Variants in C8orf34 observed in about 807,000 individuals in gnomAD.
C8orf34 encodes uncharacterized protein C8orf34.
In C8orf34, 65 loss-of-function variants were observed where a neutral mutation model predicts 68.3. The observed-to-expected ratio is 0.95, with a 90% confidence interval of 0.78 to 1.17. The LOEUF is 1.17. C8orf34 is among the 50% of genes most tolerant of loss of function. The pLI is 0.00. For synonymous variants in C8orf34, 244 were observed against 241.2 expected (o/e 1.01, Z -0.11); for missense variants, 664 against 655.4 (o/e 1.01, Z -0.14).
intron 10 of C8orf34, among the ~76,000 whole-genome samples, chr8:68,775,574 G>A (rs1257181009): frequency 1.3e-5 from 2 of 152,258 alleles, no homozygotes; most frequent in African/African-American, 2.4e-5. Flanking sequence ...ATACTAATAG[G>A]TTAAGAAAGA....
intron 4 of C8orf34, among the ~76,000 whole-genome samples, chr8:68,470,375 T>C (rs1812330610): frequency 6.6e-6 from 1 of 152,140 alleles, no homozygotes; most frequent in Non-Finnish European, 1.5e-5. Context: ...TCAACTTTTG[T>C]CCTTTAAAAT....
chr8:68,367,928 A>AAG (rs1807375616), intron 1 of C8orf34, among the ~76,000 whole-genome samples: 1 of 148,948 alleles, frequency 6.7e-6, no homozygotes, highest in East Asian at 1.9e-4. Flanking sequence ...AAAAAAAAAA[A>AAG]AAAAAAAAAG....
rs139891669 is a variant in C8orf34, at chr8:68,457,404, A to C, written c.607+10944A>C. Among the ~76,000 whole-genome samples, 8 of 152,300 alleles carry C rather than the reference A, an allele frequency of 5.3e-5. No homozygotes were observed. In the East Asian group the frequency reaches 9.7e-4, roughly 18 times the overall value. ...TGTAGTACTGGGGATATTTCCTGGC[A>C]TATTTAAAACGAAAGTAGAGTACTT... On this transcript the variant is annotated intron_variant, in intron 3 of 13. Transcript: ENST00000518698.
At position 68,640,388 on chromosome 8, in the gene C8orf34, A is replaced by G. The variant is rs1818969220; in HGVS notation, c.1118A>G (p.Asp373Gly). ...DAMELLEDLN[D>G]LRMEGVTTLV... is the part of the protein sequence containing the mutation. Reference sequence around the variant, plus strand: ...TGTGTTGTTACAGAGGATCTTAATGATTTAAGAATGGAGGGAGTAACAACC... The same window carrying G: ...TGTGTTGTTACAGAGGATCTTAATGGTTTAAGAATGGAGGGAGTAACAACC... The change falls in exon 8 of 14, where the codon GAT (aspartate) becomes GGT (glycine). Residue 373 changes from aspartate (D) to glycine (G), a missense_variant. Coordinates refer to ENST00000518698, the MANE Select transcript of C8orf34 (RefSeq NM_052958.4). The G allele has an allele frequency of 6.2e-7, 1 of 1,613,234 alleles. No homozygotes were observed. Among genetic ancestry groups the G allele is most frequent in the Non-Finnish European group, 8.5e-7 (1 of 1,179,602 alleles).
chr8:68,640,520 C>T lies in C8orf34; in HGVS notation c.1241+9C>T. ...TGTTCAAGGTGTGCCAGGTAAAAGA[C>T]ATAATAGGTATAGTATATATAAACA... On this transcript the variant is annotated intron_variant, in intron 8 of 13. Transcript: ENST00000518698. The T allele has an allele frequency of 6.2e-7, 1 of 1,611,196 alleles. No homozygotes were observed. The highest frequency in any genetic ancestry group is 8.5e-7 in the Non-Finnish European group (1 of 1,178,578).
At chr8:68,520,449 T>A (rs181396288) in intron 5 of C8orf34, among the ~76,000 whole-genome samples, 45 of 152,250 alleles carry the variant, frequency 3.0e-4, no homozygotes, top group African/African-American at 1.1e-3. Flanking sequence ...TTGTTTTTTT[T>A]AAATTTTATT....
chr8:68,404,857 G>T (rs976777462), intron 1 of C8orf34, among the ~76,000 whole-genome samples: 3 of 152,012 alleles, frequency 2.0e-5, no homozygotes, highest in African/African-American at 7.2e-5. Flanking sequence ...GGCTATGTGG[G>T]CTCTTTTTTT....
chr8:68,706,106 G>T (rs1821157500), intron 8 of C8orf34, among the ~76,000 whole-genome samples: 1 of 152,218 alleles, frequency 6.6e-6, no homozygotes, highest in African/African-American at 2.4e-5. Flanking sequence ...AGACAATCAA[G>T]AAGTTCAAGT....
At chr8:68,445,571 A>G (rs550428551) in intron 2 of C8orf34, among the ~76,000 whole-genome samples, 6 of 152,278 alleles carry the variant, frequency 3.9e-5, no homozygotes, top group East Asian at 3.9e-4. Context: ...CAAAGTAACA[A>G]TGTTGGTTGA....
At position 68,745,039 on chromosome 8, in the gene C8orf34, G is replaced by A. The variant is rs1822439776; in HGVS notation, c.1404+23602G>A. On this transcript the variant is annotated intron_variant, in intron 10 of 13. Transcript: ENST00000518698. ...CATCAGACTAACAGCGGATCTCTCG[G>A]CAGAAACCCTACAAGCCAGAAGAGA... Among the ~76,000 whole-genome samples, 3 of 152,092 alleles carry A rather than the reference G, an allele frequency of 2.0e-5. No individual in the cohort carries two copies. In the South Asian group the frequency reaches 6.2e-4, roughly 32 times the overall value.
chr8:68,461,574 C>G (rs571118114), intron 3 of C8orf34, among the ~76,000 whole-genome samples: 1 of 152,300 alleles, frequency 6.6e-6, no homozygotes, highest in East Asian at 1.9e-4. Context: ...GGGAGCCCAT[C>G]AGACTAAGAG....
At chr8:68,379,370 G>A (rs1807937673) in intron 1 of C8orf34, among the ~76,000 whole-genome samples, 5 of 152,168 alleles carry the variant, frequency 3.3e-5, no homozygotes. Context: ...TGAAGGATCT[G>A]TTTCCTTTCC....
intron 7 of C8orf34, among the ~76,000 whole-genome samples, chr8:68,591,274 T>C (rs954322419): frequency 1.3e-5 from 2 of 152,146 alleles, no homozygotes; most frequent in African/African-American, 4.8e-5. Context: ...GTAGAGACCA[T>C]AAGAGGAAGA....
chr8:68,408,703 A>T (rs1809310392), intron 1 of C8orf34, among the ~76,000 whole-genome samples: 2 of 152,222 alleles, frequency 1.3e-5, no homozygotes, highest in Admixed American at 6.5e-5. Context: ...CTAGTGACAT[A>T]GCCCTCATAA....
At chr8:68,764,551 G>A (rs1191816166) in intron 10 of C8orf34, among the ~76,000 whole-genome samples, 1 of 152,160 alleles carries the variant, frequency 6.6e-6, no homozygotes, top group African/African-American at 2.4e-5. Flanking sequence ...CGAACAAGTA[G>A]CATTGGAGCT....
At chr8:68,407,139 C>T (rs1373846652) in intron 1 of C8orf34, among the ~76,000 whole-genome samples, 1 of 152,086 alleles carries the variant, frequency 6.6e-6, no homozygotes, top group Non-Finnish European at 1.5e-5. Flanking sequence ...TACAAAATGT[C>T]AGGTTCTATA....
intron 5 of C8orf34, among the ~76,000 whole-genome samples, chr8:68,497,998 T>A (rs1813605421): frequency 6.6e-6 from 1 of 152,150 alleles, no homozygotes. Context: ...CCAGCTAATT[T>A]TGTATTTTTA....
intron 8 of C8orf34, among the ~76,000 whole-genome samples, chr8:68,676,446 C>T (rs139938848): frequency 2.5e-4 from 38 of 152,190 alleles, no homozygotes; most frequent in African/African-American, 8.9e-4. Context: ...ATTTCAACAC[C>T]CTACTTTCAG....
At chr8:68,459,938 G>A (rs934564170) in intron 3 of C8orf34, among the ~76,000 whole-genome samples, 5 of 152,176 alleles carry the variant, frequency 3.3e-5, no homozygotes, top group African/African-American at 4.8e-5. Flanking sequence ...GACAGTGGGC[G>A]CAGGACAGTG....
Sources: allele counts gnomAD v4.1 joint callset (sites outside exome capture counted in the v4.1 genomes callset), GRCh38; gene constraint gnomAD v4.1.1; transcripts MANE v1.5; gene names NCBI Gene and HGNC (gene_info 2026-07-23, HGNC 2026-07-21).